CPEB4: variants seen among roughly 807,000 people sequenced by gnomAD.
CPEB4 encodes cytoplasmic polyadenylation element binding protein 4, also known as cytoplasmic polyadenylation element-binding protein 4.
In CPEB4, 12 loss-of-function variants were observed where a neutral mutation model predicts 72.5. The ratio of observed to expected loss-of-function variants is 0.17; its 90% CI spans 0.11 to 0.27. The LOEUF is 0.27. Ranked by LOEUF, CPEB4 falls within the 10% of genes least tolerant of loss-of-function variation. CPEB4 has a pLI of 1.00. For missense variants in CPEB4, 614 were observed against 908.5 expected (o/e 0.68, Z 4.17); for synonymous variants, 302 against 326.3 (o/e 0.93, Z 0.80).
chr5:173,890,000 C>T lies in CPEB4; in HGVS notation c.267C>T (p.Asp89=). ...KAKSQQQEQQ[D]PLEKQQLSPS... is the part of the protein sequence containing the mutation. ...AAAGTCAGCAACAGGAACAGCAAGA[C>T]CCCTTAGAAAAGCAGCAGCTTTCCC... Residue 89 remains aspartate, a synonymous_variant, in exon 1 of 10, where the codon GAC becomes GAT. Coordinates refer to ENST00000265085, the MANE Select transcript of CPEB4 (RefSeq NM_030627.4). 6.2e-7 allele frequency: 1 copy of T among 1,614,136 alleles called. No homozygotes were observed. Among genetic ancestry groups the T allele is most frequent in the Non-Finnish European group, 8.5e-7 (1 of 1,180,030 alleles).
rs2113107916 is a variant in CPEB4 at position 173,889,722 on chromosome 5, T to TA, written c.-9dup. 1 of 1,548,958 alleles carries TA rather than the reference T, an allele frequency of 6.5e-7. No homozygotes were observed. The highest frequency in any genetic ancestry group is 8.7e-7 in the Non-Finnish European group (1 of 1,148,986). On this transcript the variant is annotated 5_prime_UTR_variant, in exon 1 of 10. Transcript: ENST00000265085. ...ATTTTTTATTGTGAGATTCTGCTCC[T>TA]AAAGATAATAAATGGGGGATTACGG...
intron 2 of CPEB4, among the ~76,000 whole-genome samples, chr5:173,912,753 G>A (rs1455860531): frequency 6.6e-6 from 1 of 150,598 alleles, no homozygotes; most frequent in African/African-American, 2.4e-5. Flanking sequence ...GGGCAAGATG[G>A]TGAGACCTGG....
In CPEB4 at chr5:173,949,704, T is replaced by C. The variant is rs917093674; in HGVS notation, c.1546+107T>C. On this transcript the variant is annotated intron_variant, in intron 6 of 9. Coordinates refer to ENST00000265085, the MANE Select transcript of CPEB4 (RefSeq NM_030627.4). The stretch of plus-strand genomic sequence containing the variant: ...ACTGTAAAATGTTGCATTGTTAAAC[T>C]TGCATTTTCCCAAATGCTCTTTAAA... 4 of 799,594 alleles carry C rather than the reference T, an allele frequency of 5.0e-6. No individual in the cohort carries two copies. In the African/African-American group the frequency reaches 7.0e-5, roughly 14 times the overall value. The allele number at this position is 799,594 out of a possible 1,614,324, so 49.5% of individuals were successfully genotyped here.
intron 1 of CPEB4, among the ~76,000 whole-genome samples, chr5:173,896,622 G>T (rs1292945518): frequency 6.6e-6 from 1 of 152,142 alleles, no homozygotes; most frequent in Non-Finnish European, 1.5e-5. Context: ...CTCTGAATTT[G>T]AATGTAATTA....
chr5:173,909,235 A>G (rs1014474293), intron 1 of CPEB4, among the ~76,000 whole-genome samples: 5 of 152,228 alleles, frequency 3.3e-5, no homozygotes, highest in African/African-American at 4.8e-5. Flanking sequence ...TTGAGAGTAA[A>G]TAAGAATTGA....
chr5:173,951,765 T>A, intron 7 of CPEB4, 59 bp from the exon 8 acceptor site: 1 of 940,710 alleles, frequency 1.1e-6, no homozygotes, highest in South Asian at 1.3e-5. Context: ...ATTGTTAACT[T>A]TTTTGCCCAT....
chr5:173,921,365 C>G (rs967292356), intron 2 of CPEB4, among the ~76,000 whole-genome samples: 27 of 152,214 alleles, frequency 1.8e-4, no homozygotes, highest in African/African-American at 6.5e-4. Context: ...GCTTTATACT[C>G]TTGCCATTAG....
rs1758505910 is a variant in CPEB4, at chr5:173,960,240, A to G, written c.*4103A>G. On this transcript the variant is annotated 3_prime_UTR_variant, in exon 10 of 10. Transcript: ENST00000265085. ...TTAAATAGTTTGCAAATGACTATTT[A>G]TACCAGTATGCATATAATTTTTAAA... 1 of 152,686 alleles carries G rather than the reference A, an allele frequency of 6.5e-6. No individual in the cohort carries two copies. Among genetic ancestry groups the G allele is most frequent in the Admixed American group, 6.5e-5 (1 of 15,286 alleles). The allele number at this position is 152,686 out of a possible 1,614,324, so 9.5% of individuals were successfully genotyped here.
intron 9 of CPEB4, 73 bp downstream of exon 9, chr5:173,953,345 G>A (rs544558359): frequency 4.1e-5 from 47 of 1,142,364 alleles, no homozygotes; most frequent in Non-Finnish European, 5.6e-5. Context: ...TATTAGAACG[G>A]GAGCATTTTA....
rs763296139 is a variant in CPEB4 at position 173,910,520 on chromosome 5, C to T, written c.1126-3C>T. The stretch of plus-strand genomic sequence containing the variant: ...AGTGGTTTGTGGCTGTTTGTGTCTA[C>T]AGGATCGCCCCAGGACATTCGACAT... On this transcript the variant is annotated splice_polypyrimidine_tract_variant and splice_region_variant and intron_variant, in intron 1 of 9. Coordinates refer to ENST00000265085, the MANE Select transcript of CPEB4 (RefSeq NM_030627.4). 3.7e-6 allele frequency: 6 copies of T among 1,610,076 alleles called. No homozygotes were observed. The highest frequency in any genetic ancestry group is 2.7e-5 in the African/African-American group (2 of 74,768).
At chr5:173,937,019 C>CTTTTTTTTTTTTTTTTTT (rs150187685) in intron 3 of CPEB4, among the ~76,000 whole-genome samples, 1 of 97,214 alleles carries the variant, frequency 1.0e-5, no homozygotes, top group Non-Finnish European at 2.0e-5. Flanking sequence ...CATTTCTTTC[C>CTTTTTTTTTTTTTTTTTT]TTTTTTTTTT....
rs1758444818 is a variant in CPEB4 at position 173,958,438 on chromosome 5, ATAAT to A, written c.*2303_*2306del. ...TCATATACTTCATTTTTTAATATAA[ATAAT>A]TTTAATAAATTTTATTTTCTTATAT... On this transcript the variant is annotated 3_prime_UTR_variant, in exon 10 of 10. Coordinates refer to ENST00000265085, the MANE Select transcript of CPEB4 (RefSeq NM_030627.4). The A allele has an allele frequency of 6.6e-6, 1 of 152,174 alleles. No individual in the cohort carries two copies. The highest frequency in any genetic ancestry group is 2.4e-5 in the African/African-American group (1 of 41,426). The allele number at this position is 152,174 out of a possible 1,614,324, so 9.4% of individuals were successfully genotyped here.
chr5:173,938,459 C>G (rs1363959134), intron 3 of CPEB4, among the ~76,000 whole-genome samples: 1 of 152,160 alleles, frequency 6.6e-6, no homozygotes, highest in Non-Finnish European at 1.5e-5. Flanking sequence ...CTCCTGACCT[C>G]AAATGATCTG....
intron 2 of CPEB4, among the ~76,000 whole-genome samples, chr5:173,917,901 T>C (rs932304439): frequency 1.3e-5 from 2 of 152,248 alleles, no homozygotes; most frequent in African/African-American, 4.8e-5. Context: ...GGCCGGCAGC[T>C]GCCTGCGTGT....
At chr5:173,896,139 T>A (rs1756000997) in intron 1 of CPEB4, among the ~76,000 whole-genome samples, 1 of 152,222 alleles carries the variant, frequency 6.6e-6, no homozygotes, top group Non-Finnish European at 1.5e-5. Context: ...AAAATAAGCT[T>A]GATAATTCGC....
At chr5:173,921,860 C>A (rs2113209487) in intron 2 of CPEB4, among the ~76,000 whole-genome samples, 1 of 152,356 alleles carries the variant, frequency 6.6e-6, no homozygotes, top group Admixed American at 6.5e-5. Flanking sequence ...GTATGGGAAG[C>A]AGCATTAACC....
intron 1 of CPEB4, among the ~76,000 whole-genome samples, chr5:173,909,804 G>T (rs1424210749): frequency 6.6e-6 from 1 of 151,912 alleles, no homozygotes; most frequent in Non-Finnish European, 1.5e-5. Flanking sequence ...TTCAAGACCA[G>T]CCTGGCCAAC....
At chr5:173,936,797 A>G (rs1252862031) in intron 3 of CPEB4, among the ~76,000 whole-genome samples, 9 of 150,648 alleles carry the variant, frequency 6.0e-5, no homozygotes, top group Non-Finnish European at 1.0e-4. Context: ...TCTGTATAAA[A>G]ATGCTTGTGC....
At chr5:173,906,503 G>A (rs553904815) in intron 1 of CPEB4, among the ~76,000 whole-genome samples, 1 of 152,312 alleles carries the variant, frequency 6.6e-6, no homozygotes, top group East Asian at 1.9e-4. Flanking sequence ...TTGCTAATAA[G>A]TTTGGGTTGT....
Sources: gnomAD v4.1 joint callset for allele counts (sites outside exome capture counted in the v4.1 genomes callset) on GRCh38, gnomAD v4.1.1 for gene constraint, MANE v1.5 for transcripts, NCBI Gene and HGNC (gene_info 2026-07-23, HGNC 2026-07-21) for gene names.